The following ELK3 variants were observed in gnomAD, a reference collection of about 807,000 sequenced individuals.
ELK3 encodes the protein ETS transcription factor ELK3.
Under a neutral mutation model 28.9 loss-of-function variants are expected in ELK3, and 10 were observed. The ratio of observed to expected loss-of-function variants is 0.35; its 90% CI spans 0.21 to 0.59. The LOEUF (loss-of-function observed/expected upper bound fraction) is 0.59. Among genes scored for constraint, ELK3 ranks in the 20% least tolerant of loss-of-function variants. The probability of loss-of-function intolerance (pLI) is 0.82; values close to 1 mark genes in which losing one functional copy is unlikely to be tolerated. For missense variants in ELK3, 463 were observed against 517.3 expected, an observed-to-expected ratio of 0.90 and a Z score of 1.02; for synonymous variants, 272 against 243.5, an observed-to-expected ratio of 1.12 and a Z score of -1.09.
At chr12:96,242,409 T>C (rs1951827622) in intron 2 of ELK3, among the ~76,000 whole-genome samples, 1 of 152,328 alleles carries the variant, frequency 6.6e-6, no homozygotes, top group South Asian at 2.1e-4. Context: ...AGTGAGTTGA[T>C]GGTTGACAGG....
intron 1 of ELK3, among the ~76,000 whole-genome samples, chr12:96,202,522 G>A (rs1179005631): frequency 1.1e-5 from 1 of 91,390 alleles, no homozygotes; most frequent in African/African-American, 4.5e-5. Flanking sequence ...CTTACCACAA[G>A]CTTTTTTTTT....
chr12:96,262,850 C>G (rs1952004074), intron 4 of ELK3, among the ~76,000 whole-genome samples: 1 of 150,478 alleles, frequency 6.6e-6, no homozygotes, highest in Non-Finnish European at 1.5e-5. Context: ...GACGGGGTCT[C>G]ATTATGTTGT....
intron 2 of ELK3, chr12:96,224,057 G>C (rs1788930893): frequency 2.6e-6 from 1 of 388,264 alleles, no homozygotes; most frequent in Non-Finnish European, 4.7e-6. Flanking sequence ...GCAGGCTCTG[G>C]GGCTTTCCTC....
At chr12:96,256,055 T>C (rs1390233739) in intron 3 of ELK3, among the ~76,000 whole-genome samples, 1 of 152,146 alleles carries the variant, frequency 6.6e-6, no homozygotes, top group Non-Finnish European at 1.5e-5. Flanking sequence ...GGTGACTGAA[T>C]GTTGAGTGAA....
intron 2 of ELK3, among the ~76,000 whole-genome samples, chr12:96,224,368 C>T (rs1042915914): frequency 2.6e-4 from 39 of 147,952 alleles, no homozygotes; most frequent in African/African-American, 4.6e-4. Context: ...GATGACCAAC[C>T]GAGCCATTAC....
Position 96,250,927 on chromosome 12 carries a change from G to A in ELK3, c.1002+3193G>A, listed in dbSNP as rs115505856. ...CAGGAAGAAGGGGAGAAGTAAGGGA[G>A]CCTTGGCATGGCCTGTGTCACGTGG... On this transcript the variant is annotated intron_variant, in intron 3 of 4. Coordinates refer to ENST00000228741, the MANE Select transcript of ELK3 (RefSeq NM_005230.4). Among the ~76,000 whole-genome samples the A allele has an allele frequency of 2.0e-3, 299 of 152,276 alleles. 1 individual carries two copies. Among genetic ancestry groups the A allele is most frequent in the African/African-American group, 6.7e-3 (277 of 41,536 alleles).
At chr12:96,211,001 A>T (rs1343936218) in intron 1 of ELK3, among the ~76,000 whole-genome samples, 1 of 152,224 alleles carries the variant, frequency 6.6e-6, no homozygotes. Flanking sequence ...TTGGAGCCAG[A>T]TGCCCCTGGA....
intron 2 of ELK3, among the ~76,000 whole-genome samples, chr12:96,246,488 C>T (rs1951856144): frequency 6.6e-6 from 1 of 152,082 alleles, no homozygotes. Context: ...GATGCTGTCT[C>T]CACAAAAAAT....
chr12:96,211,901 A>G (rs1054148538), intron 1 of ELK3, among the ~76,000 whole-genome samples: 7 of 152,198 alleles, frequency 4.6e-5, no homozygotes, highest in African/African-American at 1.7e-4. Context: ...TAATAGCTTT[A>G]TTACATCTAA....
At chr12:96,216,501 T>C (rs923275992) in intron 1 of ELK3, among the ~76,000 whole-genome samples, 1 of 152,212 alleles carries the variant, frequency 6.6e-6, no homozygotes, top group African/African-American at 2.4e-5. Context: ...ACAGTCGCCA[T>C]GTGGCTGAAG....
At chr12:96,254,064 G>T (rs1401266086) in intron 3 of ELK3, among the ~76,000 whole-genome samples, 1 of 152,218 alleles carries the variant, frequency 6.6e-6, no homozygotes, top group African/African-American at 2.4e-5. Flanking sequence ...AGTGGCTCAC[G>T]CCTGTAATCC....
At chr12:96,210,333 T>A (rs530367486) in intron 1 of ELK3, among the ~76,000 whole-genome samples, 55 of 152,294 alleles carry the variant, frequency 3.6e-4, no homozygotes, top group African/African-American at 1.3e-3. Flanking sequence ...GAGGTGTTTC[T>A]TTTTAAAGGA....
At chr12:96,200,007 G>A (rs1413750857) in intron 1 of ELK3, among the ~76,000 whole-genome samples, 1 of 152,094 alleles carries the variant, frequency 6.6e-6, no homozygotes, top group East Asian at 1.9e-4. Context: ...ATATCCATGT[G>A]TAATATGGGA....
chr12:96,241,870 C>G (rs2137029402), intron 2 of ELK3, among the ~76,000 whole-genome samples: 1 of 152,210 alleles, frequency 6.6e-6, no homozygotes, highest in East Asian at 1.9e-4. Context: ...GCTTTTTCCT[C>G]TCACTAAAAT....
chr12:96,209,136 G>A (rs1036824546), intron 1 of ELK3, among the ~76,000 whole-genome samples: 14 of 152,362 alleles, frequency 9.2e-5, no homozygotes, highest in South Asian at 2.1e-4. Flanking sequence ...CAGGGCAGAC[G>A]TGATGTTAAA....
At chr12:96,219,553 C>T (rs181439394) in intron 1 of ELK3, among the ~76,000 whole-genome samples, 24 of 152,228 alleles carry the variant, frequency 1.6e-4, no homozygotes, top group Middle Eastern at 6.8e-3. Flanking sequence ...TCGAGTGGAA[C>T]GAAAACAATA....
intron 2 of ELK3, among the ~76,000 whole-genome samples, chr12:96,240,515 C>T (rs1156487378): frequency 6.6e-6 from 1 of 152,190 alleles, no homozygotes; most frequent in Non-Finnish European, 1.5e-5. Flanking sequence ...CAGGCAGTGA[C>T]TCTGGAGCCT....
At chr12:96,214,836 TTGAC>T (rs1269783936) in intron 1 of ELK3, among the ~76,000 whole-genome samples, 12 of 152,334 alleles carry the variant, frequency 7.9e-5, no homozygotes, top group South Asian at 2.1e-4. Flanking sequence ...TTCCAGTTCT[TTGAC>T]TGAGGTACAG....
At chr12:96,237,103 A>G (rs1951790444) in intron 2 of ELK3, among the ~76,000 whole-genome samples, 1 of 152,230 alleles carries the variant, frequency 6.6e-6, no homozygotes, top group African/African-American at 2.4e-5. Flanking sequence ...CTGTCTCGAC[A>G]TCTTTAACCA....
Sources: allele counts gnomAD v4.1 joint callset (sites outside exome capture counted in the v4.1 genomes callset), GRCh38; gene constraint gnomAD v4.1.1; transcripts MANE v1.5; gene names NCBI Gene and HGNC (gene_info 2026-07-23, HGNC 2026-07-21).